The following ADAM22 variants were observed in gnomAD, a reference collection of about 807,000 sequenced individuals.
ADAM22 encodes the protein disintegrin and metalloproteinase domain-containing protein 22.
A neutral mutation model predicts 144.6 loss-of-function variants in ADAM22; 65 were observed. The ratio of observed to expected loss-of-function variants is 0.45; its 90% confidence interval spans 0.37 to 0.55. The LOEUF (loss-of-function observed/expected upper bound fraction) is 0.55. ADAM22 is among the 20% of genes least tolerant of loss of function. ADAM22 has a pLI of 0.00. For synonymous variants in ADAM22, 391 were observed against 412.6 expected, an observed-to-expected ratio of 0.95 and a Z score of 0.63; for missense variants, 974 against 1,184.9, an observed-to-expected ratio of 0.82 and a Z score of 2.61.
intron 12 of ADAM22, 62 bp from the exon 13 acceptor site, chr7:88,134,267 C>G (rs1275279220): frequency 3.9e-6 from 5 of 1,283,328 alleles, no homozygotes; most frequent in South Asian, 1.3e-5. Context: ...ACATTTTTCT[C>G]TGGTTCTTTG....
chr7:87,939,229 AG>A (rs1841983235), intron 2 of ADAM22, among the ~76,000 whole-genome samples: 1 of 152,198 alleles, frequency 6.6e-6, no homozygotes, highest in Admixed American at 6.5e-5. Context: ...CTGCATTAAA[AG>A]GAAGGGTGAG....
At chr7:88,020,334 G>C (rs536130725) in intron 3 of ADAM22, among the ~76,000 whole-genome samples, 5 of 152,278 alleles carry the variant, frequency 3.3e-5, no homozygotes, top group Non-Finnish European at 5.9e-5. Flanking sequence ...GGTTGGCTAA[G>C]GCCTAACAAA....
chr7:88,032,173 A>C (rs1197674672), intron 3 of ADAM22, among the ~76,000 whole-genome samples: 1 of 152,160 alleles, frequency 6.6e-6, no homozygotes, highest in African/African-American at 2.4e-5. Flanking sequence ...AGAATGATAG[A>C]TCCACTGACA....
In ADAM22 at chr7:88,125,640, C is replaced by G. The variant is rs201142062; in HGVS notation, c.659C>G (p.Pro220Arg). The stretch of plus-strand genomic sequence containing the variant: ...TCAAAATTTATTTTGAAGCCAAGAC[C>G]AAAAAGGAGTAAACGGCAGGTATGT... ...TPSKFILKPRPKRSKRQLRRY... is the reference protein window; with the variant it reads ...TPSKFILKPRRKRSKRQLRRY... The change falls in exon 8 of 32, where the codon CCA (proline) becomes CGA (arginine). Residue 220 changes from proline (P) to arginine (R), a missense_variant. Physicochemically the swap from Pro to Arg is moderately radical, Grantham distance 103. Around this residue, in one of 2 missense-constraint regions of ADAM22, gnomAD observed 734 missense variants for 950.6 expected, o/e 0.77. Transcript: ENST00000413139. 5.0e-4 allele frequency: 799 copies of G among 1,587,154 alleles called. 7 individuals carry two copies. In the Admixed American group the frequency reaches 0.014, roughly 27 times the overall value.
chr7:88,179,164 A>G (rs1271925583), intron 27 of ADAM22, 35 bp downstream of exon 27: 1 of 787,272 alleles, frequency 1.3e-6, no homozygotes, highest in Non-Finnish European at 2.1e-6. Context: ...TTGAATGTTA[A>G]AAAATAGTAT....
At chr7:88,196,172 T>G (rs1031007224) in intron 31 of ADAM22, among the ~76,000 whole-genome samples, 3 of 152,200 alleles carry the variant, frequency 2.0e-5, no homozygotes, top group Admixed American at 6.5e-5. Flanking sequence ...TTAAATTCTT[T>G]TATTTCATTT....
At chr7:88,188,717 A>G (rs951792889) in intron 30 of ADAM22, among the ~76,000 whole-genome samples, 8 of 152,208 alleles carry the variant, frequency 5.3e-5, no homozygotes, top group African/African-American at 1.7e-4. Flanking sequence ...GTGCAAGCCA[A>G]GCCTCACATA....
chr7:88,077,647 A>G (rs1815002254), intron 4 of ADAM22, among the ~76,000 whole-genome samples: 1 of 152,220 alleles, frequency 6.6e-6, no homozygotes, highest in Non-Finnish European at 1.5e-5. Flanking sequence ...TCCCACCCTA[A>G]TACTGCGCTT....
At position 88,198,874 on chromosome 7, in the gene ADAM22, T is replaced by G. The variant is rs1850935829; in HGVS notation, c.*2383T>G. 6.6e-6 allele frequency: 1 copy of G among 152,172 alleles called. No individual in the cohort carries two copies. Among genetic ancestry groups the G allele is most frequent in the South Asian group, 2.1e-4 (1 of 4,834 alleles). The allele number at this position is 152,172 out of a possible 1,614,324, so 9.4% of individuals were successfully genotyped here. On this transcript the variant is annotated 3_prime_UTR_variant, in exon 32 of 32. Coordinates refer to ENST00000413139, the MANE Select transcript of ADAM22 (RefSeq NM_001324418.2). ...GTAATTACCCGCCTTGGTAATAACCTTCCTGTGGAACTGACTAAAAATTTT... is the reference window on the plus strand; with the variant it reads ...GTAATTACCCGCCTTGGTAATAACCGTCCTGTGGAACTGACTAAAAATTTT...
chr7:88,025,508 G>T lies in ADAM22; in HGVS notation c.323+47096G>T, dbSNP rs192875317. ...AGTAGTTTCAGAGTTTAAGGTCTTA[G>T]ATTTGAGTCTTCAATCCATTTTGAT... On this transcript the variant is annotated intron_variant, in intron 3 of 31. Transcript: ENST00000413139. 7.6e-4 allele frequency among the ~76,000 whole-genome samples: 116 copies of T among 152,256 alleles called. 2 individuals carry two copies. The highest frequency in any genetic ancestry group is 7.5e-3 in the Admixed American group (115 of 15,284).
intron 3 of ADAM22, among the ~76,000 whole-genome samples, chr7:87,982,045 ATAT>A (rs1853582744): frequency 3.4e-5 from 1 of 29,404 alleles, no homozygotes; most frequent in Non-Finnish European, 5.9e-5. Flanking sequence ...TGTTTATTTC[ATAT>A]ATATATATAT....
rs550862215 is a variant in ADAM22 at position 88,166,767 on chromosome 7, G to A, written c.2191+821G>A. Among the ~76,000 whole-genome samples the A allele has an allele frequency of 3.0e-4, 45 of 152,206 alleles. No individual in the cohort carries two copies. In the South Asian group the frequency reaches 3.9e-3, roughly 13 times the overall value. On this transcript the variant is annotated intron_variant, in intron 24 of 31. Coordinates refer to ENST00000413139, the MANE Select transcript of ADAM22 (RefSeq NM_001324418.2). ...CCCTAGTCTTAGCAGTGGTAGTGTG[G>A]AGCTTGTTCCAGTAATTAATTCAAA...
chr7:88,189,274 T>C (rs925877581), intron 30 of ADAM22, among the ~76,000 whole-genome samples: 1 of 152,148 alleles, frequency 6.6e-6, no homozygotes, highest in African/African-American at 2.4e-5. Flanking sequence ...TTATAAGCTC[T>C]CAGAAGGTAG....
At position 88,094,618 on chromosome 7, in the gene ADAM22, T is replaced by A. The variant is rs117003609; in HGVS notation, c.391-13558T>A. On this transcript the variant is annotated intron_variant, in intron 4 of 31. Coordinates refer to ENST00000413139, the MANE Select transcript of ADAM22 (RefSeq NM_001324418.2). The stretch of plus-strand genomic sequence containing the variant: ...GTCACTTTTTGCCTTCGTTTTCTCT[T>A]CTCTTGAAAATCTGGAAATTATTTT... 9.5e-3 allele frequency among the ~76,000 whole-genome samples: 1,440 copies of A among 152,306 alleles called. 11 individuals carry two copies. The highest frequency in any genetic ancestry group is 0.022 in the Admixed American group (331 of 15,290).
chr7:88,083,587 T>TGTGTGTGTG (rs1817546231), intron 4 of ADAM22, among the ~76,000 whole-genome samples: 1 of 126,670 alleles, frequency 7.9e-6, no homozygotes, highest in African/African-American at 3.0e-5. Flanking sequence ...TACTTTGTGT[T>TGTGTGTGTG]TGTGTGTGTG....
intron 2 of ADAM22, among the ~76,000 whole-genome samples, chr7:87,944,290 GCTGGTA>G (rs1318810963): frequency 2.6e-5 from 4 of 151,124 alleles, no homozygotes; most frequent in African/African-American, 9.9e-5. Context: ...CACACAATTT[GCTGGTA>G]CACACAATTT....
At position 88,151,275 on chromosome 7, in the gene ADAM22, A is replaced by G. The variant is rs1178254433; in HGVS notation, c.1636A>G (p.Arg546Gly). ...DGVQGICFGG[R>G]CKTRDRQCKY... ...GTTTTAGGGAATTTGCTTTGGAGGA[A>G]GATGCAAAACCAGAGATAGACAATG... is the stretch of plus-strand genomic sequence containing the variant. Residue 546 changes from arginine (R) to glycine (G), a missense_variant, in exon 20 of 32, where the codon AGA becomes GGA. This residue lies in a region of ADAM22 where 734 missense variants were observed against 950.6 expected (regional missense o/e 0.77). Transcript: ENST00000413139. 1 of 1,614,146 alleles carries G rather than the reference A, an allele frequency of 6.2e-7. No individual in the cohort carries two copies. Among genetic ancestry groups the G allele is most frequent in the East Asian group, 2.2e-5 (1 of 44,884 alleles).
intron 3 of ADAM22, among the ~76,000 whole-genome samples, chr7:88,070,005 T>TA (rs1237810312): frequency 1.3e-5 from 2 of 152,074 alleles, no homozygotes; most frequent in Non-Finnish European, 2.9e-5. Context: ...ATTTTTTTTT[T>TA]AAAAGAAATG....
intron 3 of ADAM22, among the ~76,000 whole-genome samples, chr7:88,049,798 T>G (rs1031141108): frequency 6.6e-6 from 1 of 152,204 alleles, no homozygotes; most frequent in Non-Finnish European, 1.5e-5. Context: ...AGGTTAGAGT[T>G]AGTGAATGGT....
Sources: gnomAD v4.1 joint callset for allele counts (sites outside exome capture counted in the v4.1 genomes callset) on GRCh38, gnomAD v4.1.1 for gene constraint, gnomAD v4.1.1 regional missense constraint, MANE v1.5 for transcripts, NCBI Gene and HGNC (gene_info 2026-07-23, HGNC 2026-07-21) for gene names.